Variants in KCNIP1 observed in about 807,000 individuals in gnomAD.
KCNIP1 encodes the protein potassium voltage-gated channel interacting protein 1, also known as A-type potassium channel modulatory protein KCNIP1.
Under a neutral mutation model 33.0 loss-of-function variants are expected in KCNIP1, and 18 were observed. That is an observed-to-expected ratio of 0.55 (90% CI 0.38 to 0.81). KCNIP1 has a LOEUF of 0.81. Ranked by LOEUF, KCNIP1 falls within the 30% of genes least tolerant of loss-of-function variation. The pLI is 0.00. For missense variants in KCNIP1, 238 were observed against 271.6 expected, an observed-to-expected ratio of 0.88 and a Z score of 0.87; for synonymous variants, 93 against 98.3, an observed-to-expected ratio of 0.95 and a Z score of 0.32.
At chr5:170,597,512 G>A (rs765266581) in intron 1 of KCNIP1, among the ~76,000 whole-genome samples, 12 of 151,918 alleles carry the variant, frequency 7.9e-5, no homozygotes, top group Non-Finnish European at 1.2e-4. Flanking sequence ...TGGAACTGAC[G>A]ACCATGGGTT....
At chr5:170,477,337 C>T (rs892003698) in intron 1 of KCNIP1, among the ~76,000 whole-genome samples, 2 of 150,506 alleles carry the variant, frequency 1.3e-5, no homozygotes, top group Non-Finnish European at 3.0e-5. Flanking sequence ...TATATATATA[C>T]ACATATATAT....
At chr5:170,588,604 C>T (rs1758088260) in intron 1 of KCNIP1, among the ~76,000 whole-genome samples, 1 of 152,150 alleles carries the variant, frequency 6.6e-6, no homozygotes. Context: ...CCACCCCTCG[C>T]CTCCCCAAAT....
intron 1 of KCNIP1, among the ~76,000 whole-genome samples, chr5:170,619,156 G>T (rs1217357697): frequency 6.6e-6 from 1 of 152,210 alleles, no homozygotes; most frequent in Non-Finnish European, 1.5e-5. Context: ...ATCAATGAAA[G>T]AATCACTTAA....
intron 1 of KCNIP1, among the ~76,000 whole-genome samples, chr5:170,509,264 A>T (rs1332924240): frequency 2.0e-5 from 3 of 152,142 alleles, no homozygotes; most frequent in Non-Finnish European, 4.4e-5. Context: ...CTCCCTCATA[A>T]TCACAAAGGT....
intron 1 of KCNIP1, among the ~76,000 whole-genome samples, chr5:170,511,949 A>T (rs1288056292): frequency 6.6e-6 from 1 of 152,192 alleles, no homozygotes; most frequent in Non-Finnish European, 1.5e-5. Context: ...AGACTGAAGC[A>T]CCTCATTAGC....
chr5:170,505,840 G>A (rs1157204160), intron 1 of KCNIP1, among the ~76,000 whole-genome samples: 1 of 152,106 alleles, frequency 6.6e-6, no homozygotes, highest in Non-Finnish European at 1.5e-5. Flanking sequence ...GCTGAAGCTG[G>A]GTTGGCATTT....
At chr5:170,718,584 A>G (rs1443545203) in intron 1 of KCNIP1, among the ~76,000 whole-genome samples, 174 bp from the exon 2 acceptor site, 1 of 152,172 alleles carries the variant, frequency 6.6e-6, no homozygotes, top group African/African-American at 2.4e-5. Flanking sequence ...TTTGACGCAG[A>G]GGCTGACAGG....
intron 1 of KCNIP1, among the ~76,000 whole-genome samples, chr5:170,438,988 G>A (rs73800676): frequency 8.0e-4 from 122 of 152,300 alleles, no homozygotes; most frequent in African/African-American, 2.8e-3. Flanking sequence ...TGGCTTCTGT[G>A]TGTTTTTGCT....
intron 1 of KCNIP1, among the ~76,000 whole-genome samples, chr5:170,426,006 C>T (rs569205145): frequency 2.0e-5 from 3 of 152,262 alleles, no homozygotes; most frequent in Admixed American, 6.5e-5. Context: ...GTAGTGGCCC[C>T]GGGCAGGTCA....
intron 1 of KCNIP1, among the ~76,000 whole-genome samples, chr5:170,665,117 G>C (rs187952974): frequency 1.2e-4 from 18 of 152,288 alleles, no homozygotes; most frequent in African/African-American, 3.6e-4. Context: ...AAGGACCAGG[G>C]CTTGGGTAAT....
chr5:170,438,949 C>A (rs929980612), intron 1 of KCNIP1, among the ~76,000 whole-genome samples: 4 of 152,104 alleles, frequency 2.6e-5, no homozygotes, highest in Non-Finnish European at 5.9e-5. Context: ...CCCTCGGGTA[C>A]CTTTCACCAT....
At chr5:170,709,819 T>G (rs1470691874) in intron 1 of KCNIP1, among the ~76,000 whole-genome samples, 1 of 152,204 alleles carries the variant, frequency 6.6e-6, no homozygotes, top group Admixed American at 6.5e-5. Flanking sequence ...GTTCAAACTT[T>G]TCATCGCGTC....
At chr5:170,542,216 A>T in intron 1 of KCNIP1, among the ~76,000 whole-genome samples, 1 of 152,082 alleles carries the variant, frequency 6.6e-6, no homozygotes, top group East Asian at 1.9e-4. Context: ...CCGCGTCGTG[A>T]CCCCCTGGAG....
rs114327229 is a variant in KCNIP1 at position 170,533,178 on chromosome 5, A to G, written c.61+28545A>G. Among the ~76,000 whole-genome samples, 1,167 of 146,342 alleles carry G rather than the reference A, an allele frequency of 8.0e-3. 18 individuals carry two copies. The highest frequency in any genetic ancestry group is 0.029 in the African/African-American group (1,073 of 37,234). On this transcript the variant is annotated intron_variant, in intron 1 of 7. Transcript: ENST00000328939. Reference sequence around the variant, plus strand: ...CCTGCCTGCAGTCTGACTCAGGGAAAGGGTCACTGAGTGTGTGTGTGTGTG... The same window carrying G: ...CCTGCCTGCAGTCTGACTCAGGGAAGGGGTCACTGAGTGTGTGTGTGTGTG...
intron 1 of KCNIP1, chr5:170,383,922 C>A: frequency 6.6e-7 from 1 of 1,513,870 alleles, no homozygotes. Flanking sequence ...CATTTGAACC[C>A]ATTATCCCCT....
rs1306280840 is a variant in KCNIP1 at position 170,718,994 on chromosome 5, G to A, written c.186+112G>A. Reference sequence around the variant, plus strand: ...TTTCCCATATGTGAGGCTGTACAAGGAAGGCCAGCTCTATAAAGGGGGCAT... The same window carrying A: ...TTTCCCATATGTGAGGCTGTACAAGAAAGGCCAGCTCTATAAAGGGGGCAT... On this transcript the variant is annotated intron_variant, in intron 2 of 7. Coordinates refer to ENST00000328939, the MANE Select transcript of KCNIP1 (RefSeq NM_014592.4). 2.9e-6 allele frequency: 4 copies of A among 1,384,332 alleles called. No individual in the cohort carries two copies. The East Asian group carries it at 1.0e-4, about 35-fold the overall frequency. The allele number at this position is 1,384,332 out of a possible 1,614,324, so 85.8% of individuals were successfully genotyped here. A position where few individuals can be genotyped will look rare whatever the true frequency, so the allele number is the denominator to read the frequency against.
intron 1 of KCNIP1, among the ~76,000 whole-genome samples, chr5:170,364,177 A>T (rs6893980): frequency 0.32 from 48,959 of 151,710 alleles, 7,942 homozygotes; most frequent in Admixed American, 0.36. Context: ...CTAATTTTTT[A>T]AAATTTTTTA....
At chr5:170,673,294 G>T (rs1417691291) in intron 1 of KCNIP1, among the ~76,000 whole-genome samples, 1 of 152,206 alleles carries the variant, frequency 6.6e-6, no homozygotes, top group Non-Finnish European at 1.5e-5. Flanking sequence ...TCAAATTCTA[G>T]TTCTACCACT....
intron 1 of KCNIP1, among the ~76,000 whole-genome samples, chr5:170,492,417 G>A (rs531498798): frequency 2.0e-5 from 3 of 152,322 alleles, no homozygotes; most frequent in South Asian, 2.1e-4. Context: ...GCACTTGGAC[G>A]CGTTCTCCAA....
Sources: gnomAD v4.1 joint callset for allele counts (sites outside exome capture counted in the v4.1 genomes callset) on GRCh38, gnomAD v4.1.1 for gene constraint, MANE v1.5 for transcripts, NCBI Gene and HGNC (gene_info 2026-07-23, HGNC 2026-07-21) for gene names.